PHLPP1: variants seen among roughly 807,000 people sequenced by gnomAD.
PHLPP1 encodes PH domain and leucine rich repeat protein phosphatase 1.
In PHLPP1, 42 loss-of-function variants were observed where a neutral mutation model predicts 117.2. That is an observed-to-expected ratio of 0.36 (90% CI 0.28 to 0.46). The LOEUF is 0.46. PHLPP1 is among the 20% of genes least tolerant of loss of function. The probability of loss-of-function intolerance (pLI) is 1.00; values close to 1 mark genes in which losing one functional copy is unlikely to be tolerated. For synonymous variants in PHLPP1, 1,042 were observed against 970.7 expected, an observed-to-expected ratio of 1.07 and a Z score of -1.37; for missense variants, 2,084 against 2,241.9, an observed-to-expected ratio of 0.93 and a Z score of 1.42.
intron 11 of PHLPP1, among the ~76,000 whole-genome samples, chr18:62,942,656 C>T (rs187394624): frequency 7.2e-5 from 11 of 152,172 alleles, no homozygotes; most frequent in African/African-American, 2.2e-4. Context: ...GAGGATTTAC[C>T]GTGTTTCCAT....
chr18:62,840,183 T>A (rs1271666564), intron 3 of PHLPP1, among the ~76,000 whole-genome samples: 1 of 152,242 alleles, frequency 6.6e-6, no homozygotes, highest in Non-Finnish European at 1.5e-5. Context: ...CATTTTGAAA[T>A]ACTGGCCACA....
chr18:62,870,179 A>T (rs1915866123), intron 4 of PHLPP1, among the ~76,000 whole-genome samples: 4 of 152,130 alleles, frequency 2.6e-5, no homozygotes, highest in Non-Finnish European at 5.9e-5. Context: ...TACAGGTGTG[A>T]GCCACTGTGC....
At chr18:62,780,836 ACCT>A (rs1383414961) in intron 1 of PHLPP1, among the ~76,000 whole-genome samples, 2 of 152,136 alleles carry the variant, frequency 1.3e-5, no homozygotes, top group Non-Finnish European at 2.9e-5. Flanking sequence ...TCAACAATAC[ACCT>A]TGTGGTCCTT....
rs528979595 is a variant in PHLPP1, at chr18:62,759,487, T to C, written c.1576+42228T>C. ...ATAGAGAGATGGGAAGAGTTAGCTA[T>C]ATTGAGTATGTTCTCATTTGTGTCT... On this transcript the variant is annotated intron_variant, in intron 1 of 16. Transcript: ENST00000262719. Among the ~76,000 whole-genome samples, 30 of 152,350 alleles carry C rather than the reference T, an allele frequency of 2.0e-4. No individual in the cohort carries two copies. In the South Asian group the frequency reaches 6.2e-3, roughly 32 times the overall value.
At chr18:62,900,550 C>G (rs1916697139) in intron 6 of PHLPP1, among the ~76,000 whole-genome samples, 1 of 143,806 alleles carries the variant, frequency 7.0e-6, no homozygotes, top group South Asian at 2.3e-4. Flanking sequence ...ACTGCAGCCT[C>G]AAACTCCTGG....
intron 1 of PHLPP1, among the ~76,000 whole-genome samples, chr18:62,824,359 A>G (rs1914550506): frequency 6.6e-6 from 1 of 152,202 alleles, no homozygotes; most frequent in Non-Finnish European, 1.5e-5. Flanking sequence ...TCAATGGTTA[A>G]ACTGTGGTAT....
rs749699464 is a variant in PHLPP1, at chr18:62,860,460, T to A, written c.1925T>A (p.Val642Glu). The A allele has an allele frequency of 6.2e-7, 1 of 1,613,970 alleles. No homozygotes were observed. Among genetic ancestry groups the A allele is most frequent in the South Asian group, 1.1e-5 (1 of 91,084 alleles). ...GTTGCATCCCAGCGCATTAGCTCAG[T>A]GGACCTCTCGTGTTGTAGCCTGGAA... Reference protein sequence around the residue: ...SKVASQRISSVDLSCCSLEHL... With the variant: ...SKVASQRISSEDLSCCSLEHL... Residue 642 changes from valine to glutamate, a missense_variant, in exon 4 of 17, where the codon GTG becomes GAG. Around this residue, in one of 2 missense-constraint regions of PHLPP1, gnomAD observed 1,365 missense variants for 1,605.9 expected, o/e 0.85. Transcript: ENST00000262719.
intron 1 of PHLPP1, among the ~76,000 whole-genome samples, chr18:62,769,676 AG>A (rs1355971184): frequency 6.6e-6 from 1 of 152,250 alleles, no homozygotes; most frequent in Non-Finnish European, 1.5e-5. Context: ...ATAAAAGGAT[AG>A]GGAGAACAGC....
chr18:62,755,192 C>T (rs1383147098), intron 1 of PHLPP1, among the ~76,000 whole-genome samples: 1 of 151,958 alleles, frequency 6.6e-6, no homozygotes, highest in Non-Finnish European at 1.5e-5. Context: ...TCATTATAAT[C>T]CTTTCATTCT....
chr18:62,902,998 G>C lies in PHLPP1; in HGVS notation c.2479G>C (p.Val827Leu). ...AATTAGGAAGCTGATAGCAGATGAA[G>C]TGGACTTTCTACAGCATGTTACTCA... ...NVIRKLIADE[V>L]DFLQHVTQLD... is the part of the protein sequence containing the mutation. The change falls in exon 7 of 17, where the codon GTG (valine) becomes CTG (leucine). Residue 827 changes from valine (V) to leucine (L), a missense_variant. Coordinates refer to ENST00000262719, the MANE Select transcript of PHLPP1 (RefSeq NM_194449.4). 1.2e-6 allele frequency: 2 copies of C among 1,612,772 alleles called. No homozygotes were observed. The highest frequency in any genetic ancestry group is 1.7e-6 in the Non-Finnish European group (2 of 1,179,602).
intron 12 of PHLPP1, among the ~76,000 whole-genome samples, chr18:62,954,567 A>G (rs1023722267): frequency 6.6e-6 from 1 of 152,186 alleles, no homozygotes; most frequent in African/African-American, 2.4e-5. Flanking sequence ...CTGTGTTAAC[A>G]CTGGGAGAGC....
chr18:62,975,196 G>A (rs1248004988), intron 15 of PHLPP1, among the ~76,000 whole-genome samples: 1 of 152,202 alleles, frequency 6.6e-6, no homozygotes, highest in African/African-American at 2.4e-5. Flanking sequence ...GAGCCTCTCT[G>A]TGTGGATGTG....
intron 15 of PHLPP1, 74 bp from the exon 16 acceptor site, chr18:62,975,323 G>A (rs1911156660): frequency 1.0e-6 from 1 of 975,896 alleles, no homozygotes; most frequent in Non-Finnish European, 1.6e-6. Context: ...CAGTGGTGCG[G>A]TCTTGCTGTT....
intron 8 of PHLPP1, among the ~76,000 whole-genome samples, chr18:62,914,111 A>G (rs757870444): frequency 4.6e-5 from 7 of 152,126 alleles, no homozygotes; most frequent in Non-Finnish European, 1.0e-4. Context: ...TAAATAATTA[A>G]TTCTGAGTCT....
chr18:62,895,202 G>A (rs1916524931), intron 5 of PHLPP1, 45 bp downstream of exon 5: 3 of 1,590,614 alleles, frequency 1.9e-6, no homozygotes, highest in Non-Finnish European at 2.6e-6. Context: ...AGAAGCCCCA[G>A]GGAAGCTGCA....
At chr18:62,785,550 G>T (rs995109906) in intron 1 of PHLPP1, among the ~76,000 whole-genome samples, 2 of 152,168 alleles carry the variant, frequency 1.3e-5, no homozygotes, top group Admixed American at 1.3e-4. Flanking sequence ...TCCTTCTGGG[G>T]AGAAGAAAAT....
intron 1 of PHLPP1, among the ~76,000 whole-genome samples, chr18:62,800,570 A>G (rs777175796): frequency 6.6e-6 from 1 of 151,824 alleles, no homozygotes; most frequent in Non-Finnish European, 1.5e-5. Flanking sequence ...TCAAGGGGAA[A>G]GTGAGTGAGG....
chr18:62,850,610 A>G (rs1357868899), intron 3 of PHLPP1, among the ~76,000 whole-genome samples: 1 of 152,292 alleles, frequency 6.6e-6, no homozygotes, highest in South Asian at 2.1e-4. Context: ...TTTGCCAATA[A>G]GGAACTGAGG....
intron 1 of PHLPP1, among the ~76,000 whole-genome samples, chr18:62,728,503 TC>T (rs1256258003): frequency 6.7e-6 from 1 of 149,658 alleles, no homozygotes; most frequent in Non-Finnish European, 1.5e-5. Context: ...CTTATCTTTA[TC>T]TTTTTTTTTT....
Sources: allele counts gnomAD v4.1 joint callset (sites outside exome capture counted in the v4.1 genomes callset), GRCh38; gene constraint gnomAD v4.1.1; regional missense constraint gnomAD v4.1.1; transcripts MANE v1.5; gene names NCBI Gene and HGNC (gene_info 2026-07-23, HGNC 2026-07-21).